MYO3B: variants seen among roughly 807,000 people sequenced by gnomAD.
MYO3B encodes the protein myosin-IIIb.
MYO3B carries 156 observed loss-of-function variants against 174.6 expected under a neutral mutation model. The observed-to-expected ratio is 0.89, with a 90% CI of 0.78 to 1.02. The LOEUF (loss-of-function observed/expected upper bound fraction) is 1.02. Ranked by LOEUF, MYO3B falls within the 50% of genes least tolerant of loss-of-function variation. The pLI is 0.00. For synonymous variants in MYO3B, 563 were observed against 569.1 expected (o/e 0.99, Z 0.15); for missense variants, 1,632 against 1,639.4 (o/e 1.00, Z 0.08).
chr2:170,563,141 CACACAT>C (rs1167099076), intron 32 of MYO3B, among the ~76,000 whole-genome samples: 35 of 143,614 alleles, frequency 2.4e-4, no homozygotes, highest in East Asian at 1.7e-3. Context: ...CACACACACA[CACACAT>C]ACACACACAC....
intron 25 of MYO3B, among the ~76,000 whole-genome samples, chr2:170,482,120 G>A (rs1443171536): frequency 6.6e-6 from 1 of 151,442 alleles, no homozygotes; most frequent in African/African-American, 2.4e-5. Flanking sequence ...GAGATCTGAT[G>A]GTTTTAAAAA....
At chr2:170,430,014 T>G (rs4668259) in intron 22 of MYO3B, among the ~76,000 whole-genome samples, 18,439 of 150,674 alleles carry the variant, frequency 0.12, 1,598 homozygotes, top group East Asian at 0.51. Context: ...ACACAGGTTT[T>G]TTTTTTTTTT....
intron 30 of MYO3B, among the ~76,000 whole-genome samples, chr2:170,533,580 A>G (rs1689492985): frequency 6.6e-6 from 1 of 152,180 alleles, no homozygotes; most frequent in African/African-American, 2.4e-5. Context: ...AAAGTAGCTC[A>G]ACCCACAAGT....
At chr2:170,291,649 A>C (rs2093596851) in intron 7 of MYO3B, among the ~76,000 whole-genome samples, 1 of 151,726 alleles carries the variant, frequency 6.6e-6, no homozygotes, top group South Asian at 2.1e-4. Context: ...TGCCTGGGAA[A>C]GATTTTATCT....
chr2:170,458,557 T>A (rs552818960), intron 23 of MYO3B, among the ~76,000 whole-genome samples: 82 of 152,342 alleles, frequency 5.4e-4, no homozygotes, highest in African/African-American at 1.9e-3. Flanking sequence ...CTTTCCAGGT[T>A]GTTTCTAAAA....
intron 28 of MYO3B, among the ~76,000 whole-genome samples, chr2:170,505,384 A>C (rs1687560212): frequency 6.6e-6 from 1 of 152,224 alleles, no homozygotes. Context: ...ACATTCCTTT[A>C]AATGCCAAAT....
At chr2:170,319,670 CT>C (rs2093801337) in intron 7 of MYO3B, among the ~76,000 whole-genome samples, 1 of 152,148 alleles carries the variant, frequency 6.6e-6, no homozygotes, top group Non-Finnish European at 1.5e-5. Context: ...GTCTACACAA[CT>C]GAAAATCTCA....
intron 7 of MYO3B, among the ~76,000 whole-genome samples, chr2:170,238,339 T>C (rs2093094339): frequency 6.6e-6 from 1 of 152,210 alleles, no homozygotes; most frequent in African/African-American, 2.4e-5. Flanking sequence ...CTCAGTTCAG[T>C]GCCTGTCTGT....
intron 32 of MYO3B, among the ~76,000 whole-genome samples, chr2:170,603,581 A>G (rs1694645509): frequency 6.6e-6 from 1 of 152,200 alleles, no homozygotes; most frequent in Non-Finnish European, 1.5e-5. Context: ...TTACTACAAA[A>G]CAGGAAAACA....
At chr2:170,313,928 AC>A (rs1440797164) in intron 7 of MYO3B, among the ~76,000 whole-genome samples, 1 of 152,154 alleles carries the variant, frequency 6.6e-6, no homozygotes, top group Admixed American at 6.5e-5. Context: ...TGACTCACAC[AC>A]AGCCCTGCAT....
At chr2:170,607,360 T>C (rs1038073357) in intron 32 of MYO3B, among the ~76,000 whole-genome samples, 2 of 152,254 alleles carry the variant, frequency 1.3e-5, no homozygotes, top group African/African-American at 2.4e-5. Context: ...CTATACTACA[T>C]GGGTCAGCTG....
chr2:170,329,230 AGTGTGT>A (rs72422629), intron 7 of MYO3B, among the ~76,000 whole-genome samples: 31 of 148,654 alleles, frequency 2.1e-4, no homozygotes, highest in Non-Finnish European at 3.3e-4. Flanking sequence ...ACAGAAAAAC[AGTGTGT>A]GTGTGTGTGT....
chr2:170,591,018 A>T (rs1310917195), intron 32 of MYO3B, among the ~76,000 whole-genome samples: 3 of 152,204 alleles, frequency 2.0e-5, no homozygotes, highest in African/African-American at 7.2e-5. Flanking sequence ...AAAGGACATA[A>T]TAACAGATTT....
At chr2:170,298,419 G>T (rs1237574664) in intron 7 of MYO3B, among the ~76,000 whole-genome samples, 2 of 152,168 alleles carry the variant, frequency 1.3e-5, no homozygotes, top group Admixed American at 1.3e-4. Flanking sequence ...GCTCATGCCT[G>T]TAATCCCAAC....
intron 8 of MYO3B, among the ~76,000 whole-genome samples, chr2:170,357,365 A>ACGTG (rs2094130301): frequency 6.9e-6 from 1 of 144,498 alleles, no homozygotes; most frequent in African/African-American, 2.5e-5. Flanking sequence ...TATATATTAT[A>ACGTG]TATTTATATG....
chr2:170,245,425 C>A (rs966005178), intron 7 of MYO3B, among the ~76,000 whole-genome samples: 4 of 152,166 alleles, frequency 2.6e-5, no homozygotes, highest in Non-Finnish European at 4.4e-5. Flanking sequence ...CTACCAGCAT[C>A]CCCCAAAGTG....
chr2:170,612,082 AG>A (rs1184744606), intron 32 of MYO3B, among the ~76,000 whole-genome samples: 7 of 152,214 alleles, frequency 4.6e-5, no homozygotes, highest in Non-Finnish European at 8.8e-5. Flanking sequence ...TGGGCATGAT[AG>A]GAGAGCCTGG....
rs539851868 is a variant in MYO3B, at chr2:170,629,123, C to T, written c.3734-22505C>T. 3.2e-4 allele frequency among the ~76,000 whole-genome samples: 49 copies of T among 152,282 alleles called. No homozygotes were observed. The South Asian group carries it at 9.1e-3, about 28-fold the overall frequency. On this transcript the variant is annotated intron_variant, in intron 32 of 34. Coordinates refer to ENST00000408978, the MANE Select transcript of MYO3B (RefSeq NM_138995.5). ...ACTCTGTTCTGTGTAATTGGACCTC[C>T]GATTAATACACTGTCTCAGACAGGC...
At chr2:170,369,681 T>A (rs1443692951) in intron 9 of MYO3B, among the ~76,000 whole-genome samples, 2 of 68,864 alleles carry the variant, frequency 2.9e-5, no homozygotes, top group African/African-American at 1.1e-4. Context: ...TAACAGAAAT[T>A]TGGATTTTTT....
Sources: gnomAD v4.1 joint callset for allele counts (sites outside exome capture counted in the v4.1 genomes callset) on GRCh38, gnomAD v4.1.1 for gene constraint, MANE v1.5 for transcripts, NCBI Gene and HGNC (gene_info 2026-07-23, HGNC 2026-07-21) for gene names.